TSNAX: variants seen among roughly 807,000 people sequenced by gnomAD.
The protein encoded by TSNAX is translin associated factor X.
TSNAX carries 12 observed loss-of-function variants against 33.0 expected under a neutral mutation model. That is an observed-to-expected ratio of 0.36 (90% confidence interval 0.23 to 0.59). TSNAX has a LOEUF of 0.59. TSNAX is among the 20% of genes least tolerant of loss of function. The probability of loss-of-function intolerance (pLI) is 0.74; values close to 1 mark genes in which losing one functional copy is unlikely to be tolerated. For synonymous variants in TSNAX, 110 were observed against 117.2 expected (o/e 0.94, Z 0.40); for missense variants, 267 against 341.3 (o/e 0.78, Z 1.72).
chr1:231,562,725 G>A (rs1661194080), intron 5 of TSNAX, among the ~76,000 whole-genome samples: 1 of 152,142 alleles, frequency 6.6e-6, no homozygotes, highest in African/African-American at 2.4e-5. Context: ...ATAAGACTAT[G>A]TTCATAAATA....
chr1:231,547,253 T>C (rs1659973419), intron 4 of TSNAX, among the ~76,000 whole-genome samples: 1 of 152,202 alleles, frequency 6.6e-6, no homozygotes, highest in Admixed American at 6.5e-5. Context: ...AGGTGAGTGA[T>C]AGTATTGGAA....
chr1:231,555,878 T>C (rs200916465), intron 4 of TSNAX, among the ~76,000 whole-genome samples: 1 of 152,108 alleles, frequency 6.6e-6, no homozygotes, highest in African/African-American at 2.4e-5. Flanking sequence ...TTAAGGAGTT[T>C]TTGGACATGC....
At chr1:231,544,596 G>A (rs1272799786) in intron 4 of TSNAX, among the ~76,000 whole-genome samples, 1 of 152,146 alleles carries the variant, frequency 6.6e-6, no homozygotes, top group Non-Finnish European at 1.5e-5. Context: ...AAATATCTGT[G>A]GGACATATGG....
chr1:231,546,371 T>G (rs2124913011), intron 4 of TSNAX, among the ~76,000 whole-genome samples: 1 of 152,358 alleles, frequency 6.6e-6, no homozygotes. Context: ...TTCCAGGAGC[T>G]ATTTCTTAGA....
At chr1:231,560,515 A>G (rs1038719919) in intron 4 of TSNAX, among the ~76,000 whole-genome samples, 14 of 134,732 alleles carry the variant, frequency 1.0e-4, no homozygotes, top group Admixed American at 9.1e-4. Context: ...CCTGGGTTCA[A>G]GCGATTCTCC....
chr1:231,537,179 A>G (rs1224777209), intron 2 of TSNAX, 34 bp from the exon 3 acceptor site: 22 of 1,480,060 alleles, frequency 1.5e-5, no homozygotes, highest in Middle Eastern at 1.8e-4. Flanking sequence ...TTGAGTATAG[A>G]ATATACATGC....
chr1:231,532,161 C>CACACACACACACAT (rs1658784129), intron 2 of TSNAX, among the ~76,000 whole-genome samples: 11 of 91,912 alleles, frequency 1.2e-4, no homozygotes, highest in African/African-American at 4.0e-4. Flanking sequence ...CACACACACA[C>CACACACACACACAT]ACACACACAC....
rs181578116 is a variant in TSNAX, at chr1:231,531,534, T to A, written c.121+2175T>A. Among the ~76,000 whole-genome samples, 37 of 152,328 alleles carry A rather than the reference T, an allele frequency of 2.4e-4. No homozygotes were observed. In the East Asian group the frequency reaches 6.8e-3, roughly 28 times the overall value. On this transcript the variant is annotated intron_variant, in intron 2 of 5. Coordinates refer to ENST00000366639, the MANE Select transcript of TSNAX (RefSeq NM_005999.3). ...GGATAGGAATTGTTCCTTATCTAAC[T>A]TTGTGTTCATAGTGTCTGACTTACA...
chr1:231,550,112 A>G (rs1223709059), intron 4 of TSNAX, among the ~76,000 whole-genome samples: 1 of 152,206 alleles, frequency 6.6e-6, no homozygotes, highest in African/African-American at 2.4e-5. Context: ...TCAATGGACT[A>G]ATTTTAACTT....
intron 4 of TSNAX, among the ~76,000 whole-genome samples, chr1:231,559,746 G>A (rs910487811): frequency 3.3e-5 from 5 of 151,344 alleles, no homozygotes; most frequent in Non-Finnish European, 7.4e-5. Context: ...GTTACATTTT[G>A]ATCTTTACCA....
At chr1:231,561,769 C>CA (rs2124947492) in intron 5 of TSNAX, among the ~76,000 whole-genome samples, 1 of 152,292 alleles carries the variant, frequency 6.6e-6, no homozygotes, top group East Asian at 1.9e-4. Flanking sequence ...GGATCCCTTG[C>CA]ATCAGGTACC....
rs77442701 is a variant in TSNAX, at chr1:231,558,395, A to G, written c.368-2733A>G. ...AGCACCTAGCACCCTGTACTGACAA[A>G]GCTTAATATATTGCCAGCTGGCATA... On this transcript the variant is annotated intron_variant, in intron 4 of 5. Coordinates refer to ENST00000366639, the MANE Select transcript of TSNAX (RefSeq NM_005999.3). Among the ~76,000 whole-genome samples, 342 of 152,284 alleles carry G rather than the reference A, an allele frequency of 2.2e-3. 3 individuals carry two copies. Among genetic ancestry groups the G allele is most frequent in the Admixed American group, 0.015 (226 of 15,300 alleles).
intron 4 of TSNAX, among the ~76,000 whole-genome samples, chr1:231,545,112 A>G (rs1478203236): frequency 6.6e-6 from 1 of 152,220 alleles, no homozygotes; most frequent in Admixed American, 6.5e-5. Context: ...TCAAGTAAAG[A>G]GGTGTCTAGG....
At chr1:231,545,802 A>G (rs1659871787) in intron 4 of TSNAX, among the ~76,000 whole-genome samples, 1 of 152,152 alleles carries the variant, frequency 6.6e-6, no homozygotes, top group African/African-American at 2.4e-5. Flanking sequence ...TTTAGCCACT[A>G]TTCTTTATAT....
At chr1:231,534,301 CAG>C (rs1431579013) in intron 2 of TSNAX, 1 of 152,102 alleles carries the variant, frequency 6.6e-6, no homozygotes, top group Non-Finnish European at 1.5e-5. Flanking sequence ...AAACGTAATG[CAG>C]AGTCATTAGA....
intron 1 of TSNAX, 67 bp downstream of exon 1, chr1:231,528,893 GT>G (rs1210718281): frequency 1.2e-6 from 2 of 1,604,150 alleles, no homozygotes; most frequent in African/African-American, 2.7e-5. Flanking sequence ...TTTCTATGCA[GT>G]TTTCCCCTTT....
At chr1:231,563,276 G>A (rs1472868608) in intron 5 of TSNAX, among the ~76,000 whole-genome samples, 9 of 152,160 alleles carry the variant, frequency 5.9e-5, no homozygotes, top group Admixed American at 2.0e-4. Context: ...TTTAGGCATC[G>A]TCTCTACCAG....
At position 231,528,779 on chromosome 1, in the gene TSNAX, T is replaced by G. The variant is rs1262908454; in HGVS notation, c.-32T>G. ...ACTCCTCTTGCTCCAGGTCCTTCAG[T>G]CTCCGCTCGTCTCACCGTAGGCTGT... On this transcript the variant is annotated 5_prime_UTR_variant, in exon 1 of 6. Transcript: ENST00000366639. 1 of 1,613,976 alleles carries G rather than the reference T, an allele frequency of 6.2e-7. No homozygotes were observed. Among genetic ancestry groups the G allele is most frequent in the African/African-American group, 1.3e-5 (1 of 74,924 alleles).
chr1:231,564,378 A>G, intron 5 of TSNAX, 150 bp from the exon 6 acceptor site: 1 of 1,424,058 alleles, frequency 7.0e-7, no homozygotes, highest in Non-Finnish European at 9.2e-7. Flanking sequence ...AAACAGATTT[A>G]TTTTATTTAG....
Sources: allele counts gnomAD v4.1 joint callset (sites outside exome capture counted in the v4.1 genomes callset), GRCh38; gene constraint gnomAD v4.1.1; transcripts MANE v1.5; gene names NCBI Gene and HGNC (gene_info 2026-07-23, HGNC 2026-07-21).